Variants in SLF2 observed in about 807,000 individuals in gnomAD.
The protein encoded by SLF2 is SMC5/6 complex localization factor 2.
In SLF2, 68 loss-of-function variants were observed where a neutral mutation model predicts 124.3. The ratio of observed to expected loss-of-function variants is 0.55; its 90% CI spans 0.45 to 0.67. The LOEUF (loss-of-function observed/expected upper bound fraction) is 0.67, where lower values mean the gene tolerates loss of function less well. Ranked by LOEUF, SLF2 falls within the 30% of genes least tolerant of loss-of-function variation. SLF2 has a pLI of 0.00. For missense variants in SLF2, 1,246 were observed against 1,373.7 expected (o/e 0.91, Z 1.47); for synonymous variants, 480 against 478.8 (o/e 1.00, Z -0.03).
Position 100,917,188 on chromosome 10 carries a change from C to T in SLF2, c.803C>T (p.Ser268Leu). 6.2e-7 allele frequency: 1 copy of T among 1,613,918 alleles called. No individual in the cohort carries two copies. The highest frequency in any genetic ancestry group is 1.1e-5 in the South Asian group (1 of 91,044). Residue 268 changes from serine (S) to leucine (L), a missense_variant, in exon 3 of 20, where the codon TCA (serine) becomes TTA (leucine). Ser to Leu is a moderately radical substitution (Grantham distance 145, BLOSUM62 -2). Transcript: ENST00000238961. ...EQRINSENSF[S>L]EASSLSLKSS... ...AGAATCAACTCCGAGAATTCTTTCT[C>T]AGAAGCAAGCAGTCTTTCCTTAAAA... is the stretch of plus-strand genomic sequence containing the variant.
Position 100,962,998 on chromosome 10 carries a change from G to A in SLF2, c.*1086G>A, listed in dbSNP as rs778200023. ...TGCACACGTTGTTTTTAGCCCAGGG[G>A]TAGTAACAAACTCTTACTAGCCAAC... On this transcript the variant is annotated 3_prime_UTR_variant, in exon 20 of 20. Coordinates refer to ENST00000238961, the MANE Select transcript of SLF2 (RefSeq NM_018121.4). The A allele has an allele frequency of 6.6e-6, 1 of 152,548 alleles. No individual in the cohort carries two copies. Among genetic ancestry groups the A allele is most frequent in the Admixed American group, 6.6e-5 (1 of 15,266 alleles). 9.4% of individuals were successfully genotyped at this position (152,548 alleles called of 1,614,324 possible). A position where few individuals can be genotyped will look rare whatever the true frequency, so the allele number is the denominator to read the frequency against.
rs763249841 is a variant in SLF2, at chr10:100,963,565, C to G, written c.*1653C>G. On this transcript the variant is annotated 3_prime_UTR_variant, in exon 20 of 20. Coordinates refer to ENST00000238961, the MANE Select transcript of SLF2 (RefSeq NM_018121.4). ...TGACAGAAGCTTGAAACTCTGGCAT[C>G]TATCTGCCCAACGATGGGGGCTTTC... The G allele has an allele frequency of 6.6e-6, 1 of 152,648 alleles. No homozygotes were observed. Among genetic ancestry groups the G allele is most frequent in the Non-Finnish European group, 1.5e-5 (1 of 68,042 alleles). 9.5% of individuals were successfully genotyped at this position (152,648 alleles called of 1,614,324 possible).
intron 9 of SLF2, among the ~76,000 whole-genome samples, chr10:100,932,786 G>A (rs891758571): frequency 7.2e-5 from 11 of 152,056 alleles, no homozygotes; most frequent in East Asian, 1.9e-4. Context: ...TGAAGAAAAC[G>A]TAGGGTAAGG....
intron 9 of SLF2, among the ~76,000 whole-genome samples, chr10:100,936,323 T>C (rs1049449874): frequency 1.3e-4 from 2 of 14,972 alleles, no homozygotes; most frequent in Non-Finnish European, 4.6e-4. Context: ...TCTTTTTTTG[T>C]TTTGTTTTGT....
chr10:100,935,331 G>A (rs897286918), intron 9 of SLF2, among the ~76,000 whole-genome samples: 3 of 152,010 alleles, frequency 2.0e-5, no homozygotes, highest in African/African-American at 7.3e-5. Flanking sequence ...GGAGGCGGAG[G>A]TCGCAGTGAG....
At chr10:100,959,327 G>A (rs1850386822) in intron 18 of SLF2, 101 bp from the exon 19 acceptor site, 3 of 1,036,394 alleles carry the variant, frequency 2.9e-6, no homozygotes. Flanking sequence ...GTTGTTGAGT[G>A]TGGGCCTGTT....
chr10:100,941,788 C>T (rs1389320090), intron 11 of SLF2, among the ~76,000 whole-genome samples: 1 of 152,146 alleles, frequency 6.6e-6, no homozygotes, highest in Non-Finnish European at 1.5e-5. Flanking sequence ...GTAGTTACTA[C>T]AAATACTAGT....
At chr10:100,914,810 G>C (rs1849385437) in intron 1 of SLF2, among the ~76,000 whole-genome samples, 1 of 152,180 alleles carries the variant, frequency 6.6e-6, no homozygotes, top group African/African-American at 2.4e-5. Flanking sequence ...GATGTGCATT[G>C]CTCTTCTAAT....
At chr10:100,926,506 A>G in intron 6 of SLF2, 1 of 353,034 alleles carries the variant, frequency 2.8e-6, no homozygotes, top group Non-Finnish European at 5.0e-6. Context: ...CAACAGGCTG[A>G]GGTTGGGAGG....
At chr10:100,959,609 A>G (rs776213112) in intron 19 of SLF2, 113 bp downstream of exon 19, 3 of 1,430,230 alleles carry the variant, frequency 2.1e-6, no homozygotes, top group Non-Finnish European at 2.8e-6. Context: ...TAGTTATCTT[A>G]AGATAAACTG....
rs1281004412 is a variant in SLF2 at position 100,947,822 on chromosome 10, A to T, written c.3095A>T (p.Asp1032Val). Reference protein sequence around the residue: ...ISKLLDEKHEDVPNASNLQVS... With the variant: ...ISKLLDEKHEVVPNASNLQVS... ...AAGCTTTTGGATGAGAAACACGAAG[A>T]TGTTCCTAATGCCAGTAATCTGCAG... Residue 1032 changes from aspartate (D) to valine (V), a missense_variant, in exon 15 of 20, where the codon GAT becomes GTT. By Grantham distance (152) the Asp-to-Val change is radical (BLOSUM62 -3). Around this residue, in one of 3 missense-constraint regions of SLF2, gnomAD observed 535 missense variants for 632.8 expected, o/e 0.85. Transcript: ENST00000238961. 1 of 1,611,554 alleles carries T rather than the reference A, an allele frequency of 6.2e-7. No individual in the cohort carries two copies. The highest frequency in any genetic ancestry group is 8.5e-7 in the Non-Finnish European group (1 of 1,178,690).
chr10:100,934,383 C>A (rs1248447374), intron 9 of SLF2, among the ~76,000 whole-genome samples: 1 of 152,128 alleles, frequency 6.6e-6, no homozygotes. Flanking sequence ...GTATTTCCCA[C>A]CGTGGAATTT....
At chr10:100,927,103 A>G (rs1274562970) in intron 6 of SLF2, among the ~76,000 whole-genome samples, 2 of 152,130 alleles carry the variant, frequency 1.3e-5, no homozygotes, top group African/African-American at 2.4e-5. Context: ...GAAAATACAT[A>G]TAAAATTTAC....
intron 6 of SLF2, 37 bp downstream of exon 6, chr10:100,926,056 A>G (rs1382706267): frequency 1.9e-6 from 3 of 1,614,108 alleles, no homozygotes; most frequent in Non-Finnish European, 2.5e-6. Context: ...TAAATTTAAC[A>G]TTTTGCTTGT....
rs931613198 is a variant in SLF2, at chr10:100,913,736, G to C, written c.140+486G>C. On this transcript the variant is annotated intron_variant, in intron 1 of 19. Coordinates refer to ENST00000238961, the MANE Select transcript of SLF2 (RefSeq NM_018121.4). ...TAGTTCATACTTAAAAGAACTTGCA[G>C]ATTTGGAATGTGACGTGTTTTCTCT... The C allele has an allele frequency of 1.6e-5, 16 of 988,436 alleles. No individual in the cohort carries two copies. The African/African-American group carries it at 2.6e-4, about 16-fold the overall frequency. 61.2% of individuals were successfully genotyped at this position (988,436 alleles called of 1,614,324 possible).
At chr10:100,946,239 C>T (rs1445932981) in intron 13 of SLF2, among the ~76,000 whole-genome samples, 1 of 152,018 alleles carries the variant, frequency 6.6e-6, no homozygotes, top group Non-Finnish European at 1.5e-5. Flanking sequence ...ATTTCCTTTC[C>T]CTGCTCATCA....
At chr10:100,919,271 A>G (rs567055153) in intron 4 of SLF2, among the ~76,000 whole-genome samples, 1 of 152,198 alleles carries the variant, frequency 6.6e-6, no homozygotes, top group African/African-American at 2.4e-5. Flanking sequence ...TCGGCCTCCC[A>G]AAGTGCTGGG....
In SLF2 at chr10:100,918,447, A is replaced by G; in HGVS notation, c.973+6A>G. 1 of 1,553,296 alleles carries G rather than the reference A, an allele frequency of 6.4e-7. No individual in the cohort carries two copies. Among genetic ancestry groups the G allele is most frequent in the Non-Finnish European group, 8.7e-7 (1 of 1,146,140 alleles). ...TTCATGGGAACCTACTTCAGGTAGAATCAAAATTAAATTTATGGATTTCTA... is the reference window on the plus strand; with the variant it reads ...TTCATGGGAACCTACTTCAGGTAGAGTCAAAATTAAATTTATGGATTTCTA... On this transcript the variant is annotated splice_donor_region_variant and intron_variant, in intron 4 of 19. Coordinates refer to ENST00000238961, the MANE Select transcript of SLF2 (RefSeq NM_018121.4).
chr10:100,941,450 T>A (rs757776492), intron 11 of SLF2, among the ~76,000 whole-genome samples: 1 of 152,204 alleles, frequency 6.6e-6, no homozygotes, highest in Non-Finnish European at 1.5e-5. Context: ...CTATGTCATA[T>A]CTATTCATTC....
Sources: allele counts gnomAD v4.1 joint callset (sites outside exome capture counted in the v4.1 genomes callset), GRCh38; gene constraint gnomAD v4.1.1; regional missense constraint gnomAD v4.1.1; transcripts MANE v1.5; gene names NCBI Gene and HGNC (gene_info 2026-07-23, HGNC 2026-07-21).